The following PDE11A variants were observed in gnomAD, a reference collection of about 807,000 sequenced individuals.
PDE11A encodes the protein dual 3',5'-cyclic-AMP and -GMP phosphodiesterase 11A.
In PDE11A, 100 loss-of-function variants were observed where a neutral mutation model predicts 100.5. The observed-to-expected ratio is 1.00, with a 90% CI of 0.85 to 1.18. The LOEUF (loss-of-function observed/expected upper bound fraction) is 1.18. Among genes scored for constraint, PDE11A ranks in the 50% most tolerant of loss-of-function variants. The pLI, the probability that PDE11A is intolerant of heterozygous loss-of-function variation, is 0.00. For synonymous variants in PDE11A, 381 were observed against 420.8 expected, an observed-to-expected ratio of 0.91 and a Z score of 1.16; for missense variants, 1,141 against 1,152.6, an observed-to-expected ratio of 0.99 and a Z score of 0.15.
chr2:178,037,750 T>C (rs1424270169), intron 1 of PDE11A, among the ~76,000 whole-genome samples: 1 of 152,122 alleles, frequency 6.6e-6, no homozygotes, highest in African/African-American at 2.4e-5. Flanking sequence ...AAGCCACCAA[T>C]CTCAGCAAAC....
intron 5 of PDE11A, among the ~76,000 whole-genome samples, chr2:177,846,842 T>A (rs2083609293): frequency 6.6e-6 from 1 of 152,164 alleles, no homozygotes; most frequent in South Asian, 2.1e-4. Context: ...GCATGTAATC[T>A]CAAATGGAGC....
At chr2:177,630,224 G>C (rs1025199341) in intron 19 of PDE11A, among the ~76,000 whole-genome samples, 1 of 152,210 alleles carries the variant, frequency 6.6e-6, no homozygotes, top group Admixed American at 6.5e-5. Flanking sequence ...GCAGATGGAC[G>C]ACCAGGCTGA....
chr2:178,097,507 A>G (rs1193024991), intron 2 of PDE11A, among the ~76,000 whole-genome samples: 3 of 152,176 alleles, frequency 2.0e-5, no homozygotes, highest in Non-Finnish European at 4.4e-5. Context: ...AGCATGAGGG[A>G]AACCACCCCC....
intron 6 of PDE11A, among the ~76,000 whole-genome samples, chr2:177,834,115 A>G (rs889327065): frequency 6.6e-6 from 1 of 152,156 alleles, no homozygotes; most frequent in African/African-American, 2.4e-5. Context: ...CACTTAATAC[A>G]TTCCACCCTC....
intron 11 of PDE11A, 38 bp downstream of exon 11, chr2:177,727,984 TCCCA>T (rs2081625052): frequency 6.3e-7 from 1 of 1,580,912 alleles, no homozygotes; most frequent in Non-Finnish European, 8.7e-7. Flanking sequence ...TAACACGTTG[TCCCA>T]GGTGAACTGC....
chr2:178,020,924 G>GGTGT (rs532087273), intron 1 of PDE11A, among the ~76,000 whole-genome samples: 3,280 of 125,640 alleles, frequency 0.026, 64 homozygotes, highest in Non-Finnish European at 0.033. Context: ...TTTTTGTCTT[G>GGTGT]GTGTGTGTGT....
chr2:177,878,788 A>T (rs1170770749), intron 4 of PDE11A, among the ~76,000 whole-genome samples: 1 of 152,198 alleles, frequency 6.6e-6, no homozygotes, highest in East Asian at 1.9e-4. Context: ...AGCAAGAGCA[A>T]GTGTTATTGC....
chr2:177,746,840 G>T (rs895375659), intron 10 of PDE11A, among the ~76,000 whole-genome samples: 1 of 152,204 alleles, frequency 6.6e-6, no homozygotes, highest in Non-Finnish European at 1.5e-5. Flanking sequence ...AATGAAACTT[G>T]CAGTATAGAG....
chr2:177,812,099 C>T (rs1331814770), intron 9 of PDE11A, among the ~76,000 whole-genome samples: 1 of 152,112 alleles, frequency 6.6e-6, no homozygotes, highest in Non-Finnish European at 1.5e-5. Context: ...CCAGTTGTAA[C>T]TAAACACTCT....
chr2:177,728,976 G>A (rs2081643394), intron 10 of PDE11A, among the ~76,000 whole-genome samples: 1 of 152,082 alleles, frequency 6.6e-6, no homozygotes, highest in Admixed American at 6.6e-5. Flanking sequence ...CATATTCTTT[G>A]GATCACTCTT....
intron 19 of PDE11A, among the ~76,000 whole-genome samples, chr2:177,658,435 G>C (rs1387482888): frequency 1.3e-5 from 2 of 151,590 alleles, no homozygotes; most frequent in African/African-American, 4.8e-5. Flanking sequence ...CCTTGCTTCT[G>C]TCTTTCCTTC....
intron 2 of PDE11A, among the ~76,000 whole-genome samples, chr2:177,929,122 G>T (rs541189850): frequency 6.6e-6 from 1 of 152,056 alleles, no homozygotes; most frequent in African/African-American, 2.4e-5. Flanking sequence ...CTCTGCAAGT[G>T]CTCCCAGCCT....
At chr2:178,058,072 G>T (rs1223243074) in intron 1 of PDE11A, among the ~76,000 whole-genome samples, 1 of 152,014 alleles carries the variant, frequency 6.6e-6, no homozygotes, top group African/African-American at 2.4e-5. Context: ...TGGCCAGGCT[G>T]GTCTTGAACT....
At chr2:177,779,923 T>C (rs1332846352) in intron 9 of PDE11A, among the ~76,000 whole-genome samples, 2 of 152,218 alleles carry the variant, frequency 1.3e-5, no homozygotes, top group African/African-American at 4.8e-5. Flanking sequence ...TCACTATGTA[T>C]GGCAGCTACA....
At position 177,995,836 on chromosome 2, in the gene PDE11A, T is replaced by A. The variant is rs369289809; in HGVS notation, c.1071+18466A>T. On this transcript the variant is annotated intron_variant, in intron 2 of 19. Transcript: ENST00000286063. ...AGCCCTGGTTATGAAATCTCCAAAT[T>A]CTAAATTATACTATCTCTTCCTGTA... is the stretch of plus-strand genomic sequence containing the variant. Among the ~76,000 whole-genome samples the A allele has an allele frequency of 1.4e-4, 21 of 152,252 alleles. No individual in the cohort carries two copies. In the East Asian group the frequency reaches 2.9e-3, roughly 21 times the overall value.
chr2:177,829,452 C>CTT (rs35041048), intron 6 of PDE11A, among the ~76,000 whole-genome samples: 2 of 147,426 alleles, frequency 1.4e-5, no homozygotes. Flanking sequence ...AGGCAAAATT[C>CTT]TTTTTTTTTT....
intron 2 of PDE11A, among the ~76,000 whole-genome samples, chr2:177,946,792 T>G (rs1236439339): frequency 1.2e-5 from 1 of 86,560 alleles, no homozygotes; most frequent in Admixed American, 1.2e-4. Context: ...GGTGGGGGGG[T>G]CAGCCCCCCG....
chr2:177,860,164 A>G (rs2083921133), intron 5 of PDE11A, among the ~76,000 whole-genome samples: 1 of 151,804 alleles, frequency 6.6e-6, no homozygotes, highest in Admixed American at 6.6e-5. Flanking sequence ...GAAAATCAAC[A>G]AAACAAAAAT....
intron 9 of PDE11A, among the ~76,000 whole-genome samples, chr2:177,810,479 T>G (rs1052435811): frequency 7.9e-5 from 12 of 152,168 alleles, no homozygotes; most frequent in Admixed American, 2.0e-4. Flanking sequence ...ATTTACATTG[T>G]GCTTTGAATG....
Sources: allele counts gnomAD v4.1 joint callset (sites outside exome capture counted in the v4.1 genomes callset), GRCh38; gene constraint gnomAD v4.1.1; transcripts MANE v1.5; gene names NCBI Gene and HGNC (gene_info 2026-07-23, HGNC 2026-07-21).